Variants in FAAH2 observed in about 807,000 individuals in gnomAD.
FAAH2 encodes the protein fatty acid amide hydrolase 2.
In FAAH2, 60 loss-of-function variants were observed where a neutral mutation model predicts 36.9. That is an observed-to-expected ratio of 1.63 (90% confidence interval 1.32 to 2.02). The LOEUF (loss-of-function observed/expected upper bound fraction) is 2.02, where lower values mean the gene tolerates loss of function less well. Among genes scored for constraint, FAAH2 ranks in the 30% most tolerant of loss-of-function variants. FAAH2 has a pLI of 0.00. For synonymous variants in FAAH2, 214 were observed against 143.8 expected (o/e 1.49, Z -3.49); for missense variants, 689 against 397.5 (o/e 1.73, Z -6.23).
Position 57,331,167 on chromosome X carries a change from C to T in FAAH2, c.413-431C>T, listed in dbSNP as rs1431302463. 2.7e-5 allele frequency among the ~76,000 whole-genome samples: 3 copies of T among 111,839 alleles called. No individual in the cohort carries two copies. The East Asian group carries it at 8.4e-4, about 31-fold the overall frequency. ...GGCATCAAGTCTTCCAGGCTCTGCT[C>T]CAGCTTGAGTTCTGCCCCTACCACT... On this transcript the variant is annotated intron_variant, in intron 3 of 10. Coordinates refer to ENST00000374900, the MANE Select transcript of FAAH2 (RefSeq NM_174912.4).
chrX:57,151,548 G>T, the FAAH2 span, among the ~76,000 whole-genome samples: 6 of 111,259 alleles, frequency 5.4e-5, no homozygotes, highest in East Asian at 1.7e-3. Context: ...TCCAGTGATC[G>T]CATCGGCTCC....
the FAAH2 span, among the ~76,000 whole-genome samples, chrX:57,266,425 A>C: frequency 3.6e-5 from 4 of 112,357 alleles, no homozygotes; most frequent in Admixed American, 9.4e-5. Flanking sequence ...CTCACCAGGC[A>C]GGTCCTCCAT....
intron 2 of FAAH2, among the ~76,000 whole-genome samples, chrX:57,295,061 G>A (rs184656734): frequency 5.4e-5 from 6 of 112,104 alleles, no homozygotes; most frequent in African/African-American, 1.9e-4. Context: ...GAGCTCAAAG[G>A]AAATGCCTGC....
At chrX:57,155,707 G>A in the FAAH2 span, among the ~76,000 whole-genome samples, 1 of 112,246 alleles carries the variant, frequency 8.9e-6, no homozygotes, top group Non-Finnish European at 1.9e-5. Context: ...AGTTCAGCTG[G>A]AGGTTTCCTT....
intron 2 of FAAH2, among the ~76,000 whole-genome samples, chrX:57,295,757 C>T (rs1021383436): frequency 1.8e-5 from 2 of 112,089 alleles, no homozygotes; most frequent in Non-Finnish European, 3.8e-5. Context: ...CACTCCCACC[C>T]TAATACTGTG....
chrX:57,339,208 CAT>C (rs1325593598), intron 4 of FAAH2, among the ~76,000 whole-genome samples: 1 of 112,270 alleles, frequency 8.9e-6, no homozygotes, highest in Non-Finnish European at 1.9e-5. Flanking sequence ...ACTAGCTAGA[CAT>C]ATGCAGAAAG....
At chrX:57,230,217 C>A in the FAAH2 span, among the ~76,000 whole-genome samples, 1 of 112,069 alleles carries the variant, frequency 8.9e-6, no homozygotes, top group Non-Finnish European at 1.9e-5. Flanking sequence ...CATTCTTTCC[C>A]GTGTTCTTAC....
At chrX:57,344,902 A>G (rs772243159) in intron 5 of FAAH2, among the ~76,000 whole-genome samples, 1 of 110,758 alleles carries the variant, frequency 9.0e-6, no homozygotes, top group East Asian at 2.8e-4. Context: ...TTATTTGCTT[A>G]TGTTGAATTA....
intron 10 of FAAH2, among the ~76,000 whole-genome samples, chrX:57,483,778 C>CTTT (rs755609992): frequency 5.1e-5 from 2 of 38,886 alleles, no homozygotes; most frequent in African/African-American, 2.7e-4. Context: ...CTGGGGGCAA[C>CTTT]TTTTTTTTTT....
intron 3 of FAAH2, among the ~76,000 whole-genome samples, chrX:57,314,965 A>G (rs2052795537): frequency 9.0e-6 from 1 of 111,277 alleles, no homozygotes; most frequent in Non-Finnish European, 1.9e-5. Flanking sequence ...AGATGCAAAA[A>G]TCTATACAAA....
chrX:57,469,082 A>G (rs1367403537), intron 10 of FAAH2, among the ~76,000 whole-genome samples: 1 of 112,132 alleles, frequency 8.9e-6, no homozygotes, highest in African/African-American at 3.2e-5. Context: ...CTGACCTACA[A>G]GAGCTCCTGA....
intron 10 of FAAH2, among the ~76,000 whole-genome samples, chrX:57,463,654 G>T (rs1175711541): frequency 8.9e-6 from 1 of 111,845 alleles, no homozygotes; most frequent in Non-Finnish European, 1.9e-5. Flanking sequence ...ATGAAAAAAA[G>T]CTCATCATCA....
At chrX:57,484,143 C>T (rs959753912) in intron 10 of FAAH2, among the ~76,000 whole-genome samples, 3 of 110,867 alleles carry the variant, frequency 2.7e-5, no homozygotes, top group Non-Finnish European at 3.8e-5. Context: ...CTTTGACCTG[C>T]TGGCCAGGGG....
chrX:57,221,316 C>T, the FAAH2 span, among the ~76,000 whole-genome samples: 3 of 111,465 alleles, frequency 2.7e-5, no homozygotes, highest in East Asian at 5.6e-4. Flanking sequence ...TCCAACCACC[C>T]ACCTTAAAAC....
At chrX:57,485,233 T>C (rs2057453080) in intron 10 of FAAH2, among the ~76,000 whole-genome samples, 1 of 111,725 alleles carries the variant, frequency 9.0e-6, no homozygotes, top group Non-Finnish European at 1.9e-5. Context: ...GTGCCAGGCC[T>C]CCCTACTCTC....
chrX:57,369,862 T>G (rs762946977), intron 5 of FAAH2, among the ~76,000 whole-genome samples: 8 of 112,144 alleles, frequency 7.1e-5, no homozygotes, highest in Admixed American at 1.9e-4. Context: ...AAAATCACAA[T>G]GGTAAATAAT....
At chrX:57,290,260 T>G (rs1220245131) in intron 1 of FAAH2, 1 of 747,086 alleles carries the variant, frequency 1.3e-6, no homozygotes, top group Non-Finnish European at 1.6e-6. Flanking sequence ...GCAGTGGCAG[T>G]TGAAGATCTT....
intron 4 of FAAH2, among the ~76,000 whole-genome samples, chrX:57,339,147 A>C (rs2053627203): frequency 8.9e-6 from 1 of 111,834 alleles, no homozygotes; most frequent in South Asian, 3.7e-4. Flanking sequence ...AAACCTAACA[A>C]AAACAAGCAA....
chrX:57,429,380 G>A (rs761965923), intron 7 of FAAH2, among the ~76,000 whole-genome samples: 2 of 108,981 alleles, frequency 1.8e-5, no homozygotes, highest in South Asian at 7.9e-4. Context: ...TAGGCAAATG[G>A]CATAAACAGA....
Sources: allele counts gnomAD v4.1 joint callset (sites outside exome capture counted in the v4.1 genomes callset), GRCh38; gene constraint gnomAD v4.1.1; transcripts MANE v1.5; gene names NCBI Gene and HGNC (gene_info 2026-07-23, HGNC 2026-07-21).